KLRB1: variants seen among roughly 807,000 people sequenced by gnomAD.
The protein encoded by KLRB1 is killer cell lectin like receptor B1.
KLRB1 carries 27 observed loss-of-function variants against 33.5 expected under a neutral mutation model. That is an observed-to-expected ratio of 0.81 (90% CI 0.59 to 1.11). The LOEUF is 1.11. KLRB1 is among the 50% of genes most tolerant of loss of function. KLRB1 has a pLI of 0.00. For missense variants in KLRB1, 241 were observed against 254.1 expected, an observed-to-expected ratio of 0.95 and a Z score of 0.35; for synonymous variants, 64 against 88.9, an observed-to-expected ratio of 0.72 and a Z score of 1.58.
intron 1 of KLRB1, among the ~76,000 whole-genome samples, chr12:9,603,836 T>A (rs1591657650): frequency 6.6e-6 from 1 of 152,298 alleles, no homozygotes; most frequent in Admixed American, 6.5e-5. Flanking sequence ...GTGAACATGT[T>A]ATTTTGGAAA....
intron 1 of KLRB1, among the ~76,000 whole-genome samples, chr12:9,605,592 C>G (rs954010682): frequency 1.3e-5 from 2 of 152,254 alleles, no homozygotes; most frequent in African/African-American, 4.8e-5. Context: ...TTCTAACAGA[C>G]CAAACCCTTG....
At chr12:9,599,389 T>G (rs1864519567) in intron 3 of KLRB1, among the ~76,000 whole-genome samples, 1 of 152,190 alleles carries the variant, frequency 6.6e-6, no homozygotes, top group Non-Finnish European at 1.5e-5. Flanking sequence ...TAGTAAAGAA[T>G]TCATTCTATG....
chr12:9,598,577 G>A lies in KLRB1; in HGVS notation c.336C>T (p.Val112=). ...REKCLLFSHT[V]NPWNNSLADC... The stretch of plus-strand genomic sequence containing the variant: ...CAGCTAGACTGTTATTCCAAGGGTT[G>A]ACAGTGTGAGAAAATAACAAGCATT... The change falls in exon 4 of 6, where the codon GTC becomes GTT. Residue 112 remains valine, a synonymous_variant. Coordinates refer to ENST00000229402, the MANE Select transcript of KLRB1 (RefSeq NM_002258.3). 1 of 1,612,808 alleles carries A rather than the reference G, an allele frequency of 6.2e-7. No individual in the cohort carries two copies. Among genetic ancestry groups the A allele is most frequent in the Non-Finnish European group, 8.5e-7 (1 of 1,178,994 alleles).
rs1864506452 is a variant in KLRB1, at chr12:9,597,940, G to C, written c.530+106C>G. ...TCTTAGCCTATTCAGAACTTCTTGA[G>C]TTTTTAAACCAAATTAAAACTACAA... On this transcript the variant is annotated intron_variant, in intron 5 of 5. Coordinates refer to ENST00000229402, the MANE Select transcript of KLRB1 (RefSeq NM_002258.3). 4.7e-6 allele frequency: 3 copies of C among 638,488 alleles called. No individual in the cohort carries two copies. In the East Asian group the frequency reaches 9.2e-5, roughly 20 times the overall value. 39.6% of individuals were successfully genotyped at this position (638,488 alleles called of 1,614,324 possible). A position where few individuals can be genotyped will look rare whatever the true frequency, so the allele number is the denominator to read the frequency against.
chr12:9,600,995 G>A (rs977030613), intron 2 of KLRB1, among the ~76,000 whole-genome samples: 1 of 146,364 alleles, frequency 6.8e-6, no homozygotes, highest in African/African-American at 2.5e-5. Context: ...GAATGTCTCG[G>A]TATAAAACCC....
In KLRB1 at chr12:9,598,548, C is replaced by G; in HGVS notation, c.365G>C (p.Cys122Ser). ...VNPWNNSLAD[C>S]STKESSLLLI... ...CAGCAGGCTGGATTCTTTGGTGGAA[C>G]AATCAGCTAGACTGTTATTCCAAGG... The change falls in exon 4 of 6, where the codon TGT (cysteine) becomes TCT (serine). Residue 122 changes from cysteine (C) to serine (S), a missense_variant. By Grantham distance (112) the Cys-to-Ser change is moderately radical (BLOSUM62 -1). Transcript: ENST00000229402. 6.2e-7 allele frequency: 1 copy of G among 1,612,788 alleles called. No individual in the cohort carries two copies. Among genetic ancestry groups the G allele is most frequent in the Non-Finnish European group, 8.5e-7 (1 of 1,179,210 alleles).
Position 9,601,555 on chromosome 12 carries a change from T to C in KLRB1, c.130A>G (p.Ser44Gly). The change falls in exon 2 of 6, where the codon AGC becomes GGC. Residue 44 changes from serine (S) to glycine (G), a missense_variant. By Grantham distance (56) the Ser-to-Gly change is moderately conservative (BLOSUM62 0). Coordinates refer to ENST00000229402, the MANE Select transcript of KLRB1 (RefSeq NM_002258.3). ...SPWHQFALKL[S>G]CAGIILLVLV... ...ACAAGGAGAATAATCCCAGCACAGC[T>C]AAGTTTCAGGGCAAATTGATGCCAA... 6.2e-7 allele frequency: 1 copy of C among 1,613,890 alleles called. No homozygotes were observed. The highest frequency in any genetic ancestry group is 1.1e-5 in the South Asian group (1 of 91,080).
chr12:9,599,979 G>T, intron 2 of KLRB1, 138 bp from the exon 3 acceptor site: 2 of 365,200 alleles, frequency 5.5e-6, no homozygotes, highest in Non-Finnish European at 9.3e-6. Context: ...TAGCGAAGTG[G>T]TAAAAAAAAA....
rs1565444619 is a variant in KLRB1, at chr12:9,607,358, T to TTCTTTCTTTCTTTCTTTCTC, written c.85+396_85+397insGAGAAAGAAAGAAAGAAAGA. Reference sequence around the variant, plus strand: ...TTCCTTTCTTTCTTTCTTTCTTCCTTTCTTTCTTTCTTTCTTTCTTTCTTT... The same window carrying TTCTTTCTTTCTTTCTTTCTC: ...TTCCTTTCTTTCTTTCTTTCTTCCTTTCTTTCTTTCTTTCTTTCTCTCTTTCTTTCTTTCTTTCTTTCTTT... On this transcript the variant is annotated intron_variant, in intron 1 of 5. Transcript: ENST00000229402. 1.5e-4 allele frequency among the ~76,000 whole-genome samples: 11 copies of TTCTTTCTTTCTTTCTTTCTC among 72,500 alleles called. 1 individual carries two copies. Among genetic ancestry groups the TTCTTTCTTTCTTTCTTTCTC allele is most frequent in the Non-Finnish European group, 1.9e-4 (6 of 31,964 alleles). 47.6% of individuals were successfully genotyped at this position (72,500 alleles called of 152,430 possible). A position where few individuals can be genotyped will look rare whatever the true frequency, so the allele number is the denominator to read the frequency against.
At chr12:9,599,909 G>A (rs1376277629) in intron 2 of KLRB1, 68 bp from the exon 3 acceptor site, 1 of 866,100 alleles carries the variant, frequency 1.2e-6, no homozygotes, top group South Asian at 1.4e-5. Context: ...TATTATATTT[G>A]TTACTTTAGG....
chr12:9,595,067 C>T lies in KLRB1; in HGVS notation c.*207G>A, dbSNP rs923446607. The T allele has an allele frequency of 1.5e-5, 8 of 542,524 alleles. No individual in the cohort carries two copies. Among genetic ancestry groups the T allele is most frequent in the East Asian group, 9.1e-5 (3 of 33,106 alleles). The allele number at this position is 542,524 out of a possible 1,614,324, so 33.6% of individuals were successfully genotyped here. A position where few individuals can be genotyped will look rare whatever the true frequency, so the allele number is the denominator to read the frequency against. On this transcript the variant is annotated 3_prime_UTR_variant, in exon 6 of 6. Transcript: ENST00000229402. The stretch of plus-strand genomic sequence containing the variant: ...ATCACTGTTTCTTTAAAACGATGCA[C>T]GTTTTTCTCTATGTCTCTGTTTCCT...
intron 1 of KLRB1, among the ~76,000 whole-genome samples, chr12:9,607,370 T>TTCTCTCTC (rs1555097817): frequency 3.5e-5 from 3 of 86,470 alleles, no homozygotes; most frequent in Non-Finnish European, 2.5e-5. Context: ...CTTTCTTTCT[T>TTCTCTCTC]TCTTTCTTTC....
intron 1 of KLRB1, among the ~76,000 whole-genome samples, chr12:9,606,734 GTATATA>G (rs1234515362): frequency 4.4e-4 from 11 of 24,908 alleles, no homozygotes; most frequent in South Asian, 1.6e-3. Context: ...TGTATAAAAA[GTATATA>G]TATATATATA....
intron 3 of KLRB1, 103 bp downstream of exon 3, chr12:9,599,664 G>C: frequency 1.2e-6 from 1 of 811,238 alleles, no homozygotes; most frequent in Non-Finnish European, 2.1e-6. Context: ...AGAATGATAA[G>C]AATATCTTAA....
intron 2 of KLRB1, 112 bp downstream of exon 2, chr12:9,601,389 T>A: frequency 2.9e-6 from 2 of 687,316 alleles, no homozygotes; most frequent in South Asian, 1.7e-5. Flanking sequence ...CGTCCCACCT[T>A]ACGAGAAACA....
At chr12:9,607,510 A>C (rs747214616) in intron 1 of KLRB1, among the ~76,000 whole-genome samples, 1 of 151,562 alleles carries the variant, frequency 6.6e-6, no homozygotes, top group Non-Finnish European at 1.5e-5. Flanking sequence ...TCTTTTAACC[A>C]AGGCTCAGTA....
chr12:9,606,768 T>A (rs1417823334), intron 1 of KLRB1, among the ~76,000 whole-genome samples: 1 of 126,258 alleles, frequency 7.9e-6, no homozygotes, highest in African/African-American at 3.0e-5. Flanking sequence ...ATATTTTTTT[T>A]TTTTTTTTGA....
intron 1 of KLRB1, among the ~76,000 whole-genome samples, chr12:9,602,101 T>C (rs1364713380): frequency 6.6e-6 from 1 of 152,188 alleles, no homozygotes; most frequent in Non-Finnish European, 1.5e-5. Context: ...TTTGCTGTTG[T>C]CTAGAACAAT....
Position 9,600,790 on chromosome 12 carries a change from G to A in KLRB1, c.184+711C>T, listed in dbSNP as rs564807960. Among the ~76,000 whole-genome samples, 78 of 151,546 alleles carry A rather than the reference G, an allele frequency of 5.1e-4. No individual in the cohort carries two copies. The Middle Eastern group carries it at 0.014, about 26-fold the overall frequency. ...GCCGCAGGGACCTCTGCCTAGGAAAGCCAGGTATTGTCCAAGGTTTCTCCC... is the reference window on the plus strand; with the variant it reads ...GCCGCAGGGACCTCTGCCTAGGAAAACCAGGTATTGTCCAAGGTTTCTCCC... On this transcript the variant is annotated intron_variant, in intron 2 of 5. Transcript: ENST00000229402.
Sources: gnomAD v4.1 joint callset for allele counts (sites outside exome capture counted in the v4.1 genomes callset) on GRCh38, gnomAD v4.1.1 for gene constraint, MANE v1.5 for transcripts, NCBI Gene and HGNC (gene_info 2026-07-23, HGNC 2026-07-21) for gene names.